CACNA1A: variants seen among roughly 807,000 people sequenced by gnomAD.
The protein encoded by CACNA1A is voltage-dependent P/Q-type calcium channel subunit alpha-1A.
CACNA1A carries 57 observed loss-of-function variants against 262.4 expected under a neutral mutation model. The ratio of observed to expected loss-of-function variants is 0.22; its 90% CI spans 0.18 to 0.27. CACNA1A has a LOEUF of 0.27. Among genes scored for constraint, CACNA1A ranks in the 10% least tolerant of loss-of-function variants. CACNA1A has a pLI of 1.00. For missense variants in CACNA1A, 2,526 were observed against 3,562.8 expected (o/e 0.71, Z 7.41); for synonymous variants, 1,431 against 1,419.3 (o/e 1.01, Z -0.18).
rs1233773018 is a variant in CACNA1A at position 13,241,397 on chromosome 19, G to C, written c.4950+3785C>G. ...GGACAGACAGACAGAGGAGAGCGGA[G>C]GGTTGAGGAGAGCGTCAGGCATCCC... On this transcript the variant is annotated intron_variant, in intron 31 of 46. Transcript: ENST00000360228. The surrounding 1 kb of genome is among the most constrained non-coding windows in gnomAD (Gnocchi z 4.0). 2 of 715,514 alleles carry C rather than the reference G, an allele frequency of 2.8e-6. No individual in the cohort carries two copies. Among genetic ancestry groups the C allele is most frequent in the East Asian group, 2.7e-5 (1 of 37,116 alleles). 44.3% of individuals were successfully genotyped at this position (715,514 alleles called of 1,614,324 possible). A position where few individuals can be genotyped will look rare whatever the true frequency, so the allele number is the denominator to read the frequency against.
intron 22 of CACNA1A, among the ~76,000 whole-genome samples, chr19:13,280,523 G>A (rs2057265085): frequency 6.6e-6 from 1 of 151,878 alleles, no homozygotes; most frequent in South Asian, 2.1e-4. Flanking sequence ...AGGTGACTCA[G>A]GAAACATGTT....
chr19:13,269,680 G>A (rs2056965599), intron 24 of CACNA1A, among the ~76,000 whole-genome samples: 1 of 152,216 alleles, frequency 6.6e-6, no homozygotes. Flanking sequence ...CCGCCCTGAT[G>A]CATGGGCACA....
rs1983023517 is a variant in CACNA1A at position 13,506,232 on chromosome 19, A to G, written c.-8T>C. On this transcript the variant is annotated 5_prime_UTR_variant, in exon 1 of 47. Transcript: ENST00000360228. ...GTCTCCGAAGCGGGCCATTCTGCAA[A>G]GAGCAAAGGGCTCCGGGTTACGCTG... The G allele has an allele frequency of 2.7e-6, 4 of 1,457,764 alleles. No individual in the cohort carries two copies. Among genetic ancestry groups the G allele is most frequent in the Non-Finnish European group, 3.6e-6 (4 of 1,115,022 alleles). 90.3% of individuals were successfully genotyped at this position (1,457,764 alleles called of 1,614,324 possible).
At chr19:13,240,991 T>A (rs533543180) in intron 31 of CACNA1A, among the ~76,000 whole-genome samples, 1 of 152,344 alleles carries the variant, frequency 6.6e-6, no homozygotes, top group African/African-American at 2.4e-5. Flanking sequence ...GTCTCCTTTA[T>A]CAGACTTGGA....
At chr19:13,210,944 A>G (rs1232759415) in intron 43 of CACNA1A, 1 of 510,876 alleles carries the variant, frequency 2.0e-6, no homozygotes, top group Admixed American at 3.2e-5. Flanking sequence ...ACCGAAAGAC[A>G]GGACGGCGCA....
intron 3 of CACNA1A, among the ~76,000 whole-genome samples, chr19:13,435,607 G>A (rs1173824008): frequency 1.3e-5 from 2 of 152,092 alleles, no homozygotes; most frequent in African/African-American, 2.4e-5. Context: ...TACCAAGAAA[G>A]ATGTGCCTGG....
Position 13,403,706 on chromosome 19 carries a change from T to TG in CACNA1A, c.540-31928dup, listed in dbSNP as rs945555632. On this transcript the variant is annotated intron_variant, in intron 3 of 46. Transcript: ENST00000360228. ...ATCCCAGCATGTTGGAAGGCCGAGGTGGGGGGATTGCTTGAACCTAGGAGT... is the reference window on the plus strand; with the variant it reads ...ATCCCAGCATGTTGGAAGGCCGAGGTGGGGGGGATTGCTTGAACCTAGGAGT... 5.3e-5 allele frequency among the ~76,000 whole-genome samples: 8 copies of TG among 151,532 alleles called. 1 individual carries two copies. The highest frequency in any genetic ancestry group is 6.6e-5 in the Admixed American group (1 of 15,158).
intron 3 of CACNA1A, among the ~76,000 whole-genome samples, chr19:13,401,775 T>C (rs975988442): frequency 2.4e-4 from 36 of 152,266 alleles, no homozygotes; most frequent in Non-Finnish European, 4.9e-4. Context: ...AGTGACTGCA[T>C]GGAGTCGAGC....
chr19:13,380,513 G>A (rs1470751456), intron 3 of CACNA1A, among the ~76,000 whole-genome samples: 1 of 150,176 alleles, frequency 6.7e-6, no homozygotes, highest in Non-Finnish European at 1.5e-5. Flanking sequence ...TGGGCGTGGC[G>A]GTGGGCATCT....
At chr19:13,231,952 T>C in intron 34 of CACNA1A, 92 bp from the exon 35 acceptor site, 1 of 1,370,700 alleles carries the variant, frequency 7.3e-7, no homozygotes, top group Non-Finnish European at 1.0e-6. Context: ...GTTGAGCACT[T>C]GGGCTCTGGA....
At chr19:13,489,003 CTTTTTTT>C (rs896790084) in intron 1 of CACNA1A, among the ~76,000 whole-genome samples, 147 of 75,208 alleles carry the variant, frequency 2.0e-3, no homozygotes, top group East Asian at 7.9e-3. Flanking sequence ...CTTTTCTTTT[CTTTTTTT>C]TTTTTTTTTT....
At chr19:13,472,331 A>G (rs1201864103) in intron 1 of CACNA1A, among the ~76,000 whole-genome samples, 4 of 151,802 alleles carry the variant, frequency 2.6e-5, no homozygotes, top group African/African-American at 9.7e-5. Flanking sequence ...TGCTTTATAT[A>G]TGTAATATTA....
At position 13,402,801 on chromosome 19, in the gene CACNA1A, C is replaced by CAT. The variant is rs370175047; in HGVS notation, c.540-31024_540-31023dup. ...ATACATATATATACATATATACACACATATATATATACATATATACACACA... is the reference window on the plus strand; with the variant it reads ...ATACATATATATACATATATACACACATATATATATATACATATATACACACA... On this transcript the variant is annotated intron_variant, in intron 3 of 46. Coordinates refer to ENST00000360228, the MANE Select transcript of CACNA1A (RefSeq NM_001127222.2). Among the ~76,000 whole-genome samples the CAT allele has an allele frequency of 7.3e-3, 959 of 131,772 alleles. 13 individuals are homozygous for CAT. Among genetic ancestry groups the CAT allele is most frequent in the African/African-American group, 0.027 (896 of 33,568 alleles). The allele number at this position is 131,772 out of a possible 152,430, so 86.4% of individuals were successfully genotyped here.
At chr19:13,283,552 C>T in intron 21 of CACNA1A, 156 bp from the exon 22 acceptor site, 1 of 925,176 alleles carries the variant, frequency 1.1e-6, no homozygotes, top group Non-Finnish European at 1.6e-6. Flanking sequence ...TGGGGGCCCT[C>T]TCTGGGTCCT....
chr19:13,483,572 C>G (rs909701273), intron 1 of CACNA1A, among the ~76,000 whole-genome samples: 1 of 152,104 alleles, frequency 6.6e-6, no homozygotes, highest in African/African-American at 2.4e-5. Flanking sequence ...GCTGAAAATT[C>G]CGGGAAGATA....
chr19:13,254,318 T>C (rs1013147749), intron 29 of CACNA1A, among the ~76,000 whole-genome samples: 1 of 151,912 alleles, frequency 6.6e-6, no homozygotes, highest in Non-Finnish European at 1.5e-5. Context: ...GCCCTGGGGA[T>C]TTTAGGGTCC....
At chr19:13,293,937 T>C (rs117562106) in intron 19 of CACNA1A, among the ~76,000 whole-genome samples, 35 of 152,244 alleles carry the variant, frequency 2.3e-4, no homozygotes, top group Non-Finnish European at 4.0e-4. Flanking sequence ...TTTGCTGCTC[T>C]TGTAGTTTCC....
chr19:13,416,383 G>A (rs920925642), intron 3 of CACNA1A, among the ~76,000 whole-genome samples: 10 of 152,172 alleles, frequency 6.6e-5, no homozygotes, highest in African/African-American at 2.2e-4. Flanking sequence ...GATTACAGGC[G>A]TGAGGCACAG....
In CACNA1A at chr19:13,360,265, G is replaced by GTATATATATATA. The variant is rs34849471; in HGVS notation, c.785-478_785-467dup. 2.8e-4 allele frequency among the ~76,000 whole-genome samples: 35 copies of GTATATATATATA among 124,218 alleles called. 2 individuals are homozygous for GTATATATATATA. In the South Asian group the frequency reaches 3.3e-3, roughly 12 times the overall value. The allele number at this position is 124,218 out of a possible 152,430, so 81.5% of individuals were successfully genotyped here. A position where few individuals can be genotyped will look rare whatever the true frequency, so the allele number is the denominator to read the frequency against. ...ATTAGGTGTCTGTGTGTGTGTGTGT[G>GTATATATATATA]TATATATATATATATATATATGAAG... On this transcript the variant is annotated intron_variant, in intron 5 of 46. Coordinates refer to ENST00000360228, the MANE Select transcript of CACNA1A (RefSeq NM_001127222.2).
Sources: allele counts gnomAD v4.1 joint callset (sites outside exome capture counted in the v4.1 genomes callset), GRCh38; gene constraint gnomAD v4.1.1; non-coding constraint Gnocchi (gnomAD v3.1); transcripts MANE v1.5; gene names NCBI Gene and HGNC (gene_info 2026-07-23, HGNC 2026-07-21).